MICALL2: variants seen among roughly 807,000 people sequenced by gnomAD.
The protein encoded by MICALL2 is MICAL like 2.
Under a neutral mutation model 91.1 loss-of-function variants are expected in MICALL2, and 111 were observed. The ratio of observed to expected loss-of-function variants is 1.22; its 90% CI spans 1.04 to 1.43. The LOEUF is 1.43. MICALL2 is among the 40% of genes most tolerant of loss of function. The probability of loss-of-function intolerance (pLI) is 0.00; values close to 1 mark genes in which losing one functional copy is unlikely to be tolerated. For synonymous variants in MICALL2, 694 were observed against 525.3 expected, an observed-to-expected ratio of 1.32 and a Z score of -4.39; for missense variants, 1,556 against 1,236.0, an observed-to-expected ratio of 1.26 and a Z score of -3.88.
At chr7:1,443,806 G>T (rs1450803968) in intron 6 of MICALL2, among the ~76,000 whole-genome samples, 1 of 152,210 alleles carries the variant, frequency 6.6e-6, no homozygotes, top group Non-Finnish European at 1.5e-5. Flanking sequence ...CAGACTTCTG[G>T]CCTGCAGAGC....
At chr7:1,437,374 C>CCTTGGCTGAGTACACACAGCA in intron 14 of MICALL2, 161 bp downstream of exon 14, 1 of 635,060 alleles carries the variant, frequency 1.6e-6, no homozygotes, top group Non-Finnish European at 2.6e-6. Context: ...GACACACAGC[C>CCTTGGCTGAGTACACACAGCA]AGGAGGTGGG....
chr7:1,434,985 G>GGCCCCCC, intron 16 of MICALL2, 116 bp downstream of exon 16: 7 of 255,664 alleles, frequency 2.7e-5, no homozygotes, highest in South Asian at 6.9e-5. Context: ...CCCGATACCC[G>GGCCCCCC]CCCCCCCCCC....
rs1584242985 is a variant in MICALL2 at position 1,459,435 on chromosome 7, C to G, written c.-109G>C. 1 of 1,092,080 alleles carries G rather than the reference C, an allele frequency of 9.2e-7. No individual in the cohort carries two copies. The highest frequency in any genetic ancestry group is 1.2e-6 in the Non-Finnish European group (1 of 829,368). The allele number at this position is 1,092,080 out of a possible 1,614,324, so 67.6% of individuals were successfully genotyped here. A position where few individuals can be genotyped will look rare whatever the true frequency, so the allele number is the denominator to read the frequency against. On this transcript the variant is annotated 5_prime_UTR_variant, in exon 1 of 17. Coordinates refer to ENST00000297508, the MANE Select transcript of MICALL2 (RefSeq NM_182924.4). ...GACGCTGGGACCGCTACGGAACCGC[C>G]AGACCCACGGCGCCCAGCCCCAGCT...
At chr7:1,443,963 T>C (rs28568526) in intron 6 of MICALL2, among the ~76,000 whole-genome samples, 33,235 of 151,084 alleles carry the variant, frequency 0.22, 6,579 homozygotes, top group African/African-American at 0.53. Context: ...GGTCAGGGCC[T>C]GGCTGGACTC....
At chr7:1,442,554 C>T (rs911695969) in intron 6 of MICALL2, 70 bp from the exon 7 acceptor site, 19 of 1,409,416 alleles carry the variant, frequency 1.3e-5, no homozygotes, top group Admixed American at 4.6e-5. Flanking sequence ...CCGAGGCCGC[C>T]CCTCTGCCTC....
chr7:1,442,450 G>A lies in MICALL2; in HGVS notation c.1453C>T (p.Gln485Ter). ...SPATAAVPSS[Q>*]PKTEAPQASP... Reference sequence around the variant, plus strand: ...GCTTGTGGTGCTTCAGTTTTGGGCTGAGAACTGGGAACAGCGGCAGTGGCT... The same window carrying A: ...GCTTGTGGTGCTTCAGTTTTGGGCTAAGAACTGGGAACAGCGGCAGTGGCT... The change falls in exon 7 of 17, where the codon CAG becomes TAG. Residue 485 changes from glutamine to a stop codon, truncating the protein, a stop_gained. Coordinates refer to ENST00000297508, the MANE Select transcript of MICALL2 (RefSeq NM_182924.4). LOFTEE classifies it high-confidence loss of function. The A allele has an allele frequency of 6.5e-7, 1 of 1,548,022 alleles. No homozygotes were observed. Among genetic ancestry groups the A allele is most frequent in the Non-Finnish European group, 8.7e-7 (1 of 1,145,244 alleles).
rs759640011 is a variant in MICALL2, at chr7:1,444,995, C to T, written c.1075G>A (p.Ala359Thr). ...CTCGGGGGCACGGCGGGATGGGAGG[C>T]AGCCGCTGCTGTGCACGGGGCAGCT... ...SSAAPCTAAA[A>T]SHPAVPPSAP... The change falls in exon 6 of 17, where the codon GCC becomes ACC. Residue 359 changes from alanine to threonine, a missense_variant. Coordinates refer to ENST00000297508, the MANE Select transcript of MICALL2 (RefSeq NM_182924.4). The T allele has an allele frequency of 6.0e-6, 9 of 1,508,090 alleles. No homozygotes were observed. In the South Asian group the frequency reaches 1.0e-4, roughly 17 times the overall value. 93.4% of individuals were successfully genotyped at this position (1,508,090 alleles called of 1,614,324 possible). A position where few individuals can be genotyped will look rare whatever the true frequency, so the allele number is the denominator to read the frequency against.
At chr7:1,447,878 G>A in intron 3 of MICALL2, 113 bp from the exon 4 acceptor site, 2 of 838,068 alleles carry the variant, frequency 2.4e-6, no homozygotes, top group Non-Finnish European at 1.7e-6. Context: ...GGGGACCTGG[G>A]GGCCCAGGGC....
chr7:1,437,892 G>A lies in MICALL2; in HGVS notation c.2400C>T (p.Tyr800=), dbSNP rs1333752757. The part of the protein sequence containing the change: ...LLLRQESELM[Y]KSKAQRLEEQ... ...GGGGCCCACGGCTGGGCTCTCACTT[G>A]TACATCAGCTCTGACTCCTGTCTCA... The change falls in exon 13 of 17, where the codon TAC becomes TAT. Residue 800 remains tyrosine (Y), a splice_region_variant and synonymous_variant. Transcript: ENST00000297508. 29 of 1,548,726 alleles carry A rather than the reference G, an allele frequency of 1.9e-5. No individual in the cohort carries two copies. Among genetic ancestry groups the A allele is most frequent in the Non-Finnish European group, 2.5e-5 (29 of 1,146,708 alleles).
Position 1,440,691 on chromosome 7 carries a change from G to C in MICALL2, c.1712-7C>G. 6.2e-7 allele frequency: 1 copy of C among 1,608,858 alleles called. No homozygotes were observed. Among genetic ancestry groups the C allele is most frequent in the South Asian group, 1.1e-5 (1 of 91,048 alleles). The stretch of plus-strand genomic sequence containing the variant: ...TGGAGGCTGGTGCTCATGTCTGGGT[G>C]GGAGGCAAGGGGTCTGGGTGTGAGG... On this transcript the variant is annotated splice_region_variant and splice_polypyrimidine_tract_variant and intron_variant, in intron 7 of 16. Transcript: ENST00000297508.
intron 15 of MICALL2, among the ~76,000 whole-genome samples, chr7:1,435,579 GC>G (rs1779929761): frequency 6.6e-6 from 1 of 152,206 alleles, no homozygotes; most frequent in Admixed American, 6.5e-5. Flanking sequence ...AAGGGCCTCG[GC>G]CGACCCATGC....
chr7:1,437,271 C>T (rs1780019598), intron 14 of MICALL2: 1 of 522,892 alleles, frequency 1.9e-6, no homozygotes, highest in Non-Finnish European at 3.3e-6. Flanking sequence ...TTCGTTTAAT[C>T]CTCACAACAG....
intron 13 of MICALL2, 71 bp from the exon 14 acceptor site, chr7:1,437,679 A>C: frequency 6.8e-7 from 1 of 1,467,358 alleles, no homozygotes; most frequent in Non-Finnish European, 9.2e-7. Context: ...CCAGCCCGCA[A>C]CGAGGTCCTG....
At chr7:1,441,028 T>A (rs1372594474) in intron 7 of MICALL2, 1 of 327,032 alleles carries the variant, frequency 3.1e-6, no homozygotes, top group Admixed American at 4.1e-5. Flanking sequence ...GCTGCCCGTC[T>A]GCAGGCTTTC....
intron 7 of MICALL2, 147 bp downstream of exon 7, chr7:1,442,045 G>C: frequency 1.1e-6 from 1 of 918,370 alleles, no homozygotes; most frequent in East Asian, 2.4e-5. Flanking sequence ...AGGAGGCTGC[G>C]AGCAGGTGTC....
intron 9 of MICALL2, chr7:1,439,215 C>G: frequency 1.9e-6 from 1 of 534,968 alleles, no homozygotes; most frequent in Non-Finnish European, 3.3e-6. Context: ...GCTGGCTGCT[C>G]AAGGTCACAC....
rs1462569411 is a variant in MICALL2 at position 1,440,535 on chromosome 7, AT to A, written c.1805+55del. On this transcript the variant is annotated intron_variant, in intron 8 of 16. Transcript: ENST00000297508. ...AATCGGTCGATTACATACTCACTGC[AT>A]TTATTAAGCACCTATGGTGTACCAG... is the stretch of plus-strand genomic sequence containing the variant. 44 of 1,464,964 alleles carry A rather than the reference AT, an allele frequency of 3.0e-5. No individual in the cohort carries two copies. The South Asian group carries it at 3.6e-4, about 12-fold the overall frequency. The allele number at this position is 1,464,964 out of a possible 1,614,324, so 90.7% of individuals were successfully genotyped here.
Position 1,448,666 on chromosome 7 carries a change from C to G in MICALL2, c.288G>C (p.Leu96Phe), listed in dbSNP as rs1780702339. 6.2e-7 allele frequency: 1 copy of G among 1,612,792 alleles called. No homozygotes were observed. Residue 96 changes from leucine (L) to phenylalanine (F), a missense_variant, in exon 3 of 17, where the codon TTG becomes TTC. Coordinates refer to ENST00000297508, the MANE Select transcript of MICALL2 (RefSeq NM_182924.4). Reference sequence around the variant, plus strand: ...AGTTGTAATACTGGGACACGTAGGTCAAGATGCTCAGCCGGTCAGGCACCT... The same window carrying G: ...AGTTGTAATACTGGGACACGTAGGTGAAGATGCTCAGCCGGTCAGGCACCT... Reference protein sequence around the residue: ...ALKVPDRLSILTYVSQYYNYF... With the variant: ...ALKVPDRLSIFTYVSQYYNYF...
chr7:1,459,038 G>A, intron 1 of MICALL2, 146 bp downstream of exon 1: 1 of 798,208 alleles, frequency 1.3e-6, no homozygotes. Context: ...ACTGAGGACA[G>A]CCTCGGGGGG....
Sources: allele counts gnomAD v4.1 joint callset (sites outside exome capture counted in the v4.1 genomes callset), GRCh38; gene constraint gnomAD v4.1.1; transcripts MANE v1.5; gene names NCBI Gene and HGNC (gene_info 2026-07-23, HGNC 2026-07-21).